The following ANKRD11 variants were observed in gnomAD, a reference collection of about 807,000 sequenced individuals.
ANKRD11 encodes ankyrin repeat domain 11.
ANKRD11 carries 17 observed loss-of-function variants against 195.7 expected under a neutral mutation model. The observed-to-expected ratio is 0.09, with a 90% CI of 0.06 to 0.13. The LOEUF is 0.13. Ranked by LOEUF, ANKRD11 falls within the 10% of genes least tolerant of loss-of-function variation. The pLI is 1.00. For synonymous variants in ANKRD11, 1,953 were observed against 1,528.1 expected (o/e 1.28, Z -6.49); for missense variants, 3,735 against 3,566.1 (o/e 1.05, Z -1.21).
chr16:89,354,795 A>T (rs1299521709), intron 2 of ANKRD11, among the ~76,000 whole-genome samples: 1 of 152,160 alleles, frequency 6.6e-6, no homozygotes, highest in Non-Finnish European at 1.5e-5. Context: ...CTGAGGCAGG[A>T]GAAATCGCTT....
chr16:89,315,948 T>C (rs957814074), intron 3 of ANKRD11, among the ~76,000 whole-genome samples: 5 of 151,896 alleles, frequency 3.3e-5, no homozygotes, highest in Admixed American at 1.3e-4. Flanking sequence ...GGTAGTGACC[T>C]GGGGACCAGA....
intron 1 of ANKRD11, among the ~76,000 whole-genome samples, chr16:89,483,257 C>T (rs1270817630): frequency 6.6e-6 from 1 of 152,204 alleles, no homozygotes; most frequent in African/African-American, 2.4e-5. Flanking sequence ...TTCACCGTAC[C>T]ATTAGCTTCT....
At chr16:89,295,509 C>A (rs2035356841) in intron 4 of ANKRD11, among the ~76,000 whole-genome samples, 1 of 152,244 alleles carries the variant, frequency 6.6e-6, no homozygotes, top group Non-Finnish European at 1.5e-5. Flanking sequence ...CTCCTCAGCA[C>A]AGAGCTGAGA....
chr16:89,384,441 C>A (rs1236561445), intron 2 of ANKRD11, among the ~76,000 whole-genome samples: 1 of 151,638 alleles, frequency 6.6e-6, no homozygotes, highest in African/African-American at 2.4e-5. Context: ...TGAGGCAGAG[C>A]AGAACGGGAT....
In ANKRD11 at chr16:89,330,657, TGGGGGGGGGGGGG is replaced by T. The variant is rs71134204; in HGVS notation, c.-59-13592_-59-13580del. ...CAGTAGGTTTCCCCAGTACAGTGAC[TGGGGGGGGGGGGG>T]GGGGGCGGGGGCGGAGGAAGCTGCA... On this transcript the variant is annotated intron_variant, in intron 2 of 12. Transcript: ENST00000301030. Among the ~76,000 whole-genome samples the T allele has an allele frequency of 5.9e-4, 3 of 5,076 alleles. 1 individual carries two copies. Among genetic ancestry groups the T allele is most frequent in the Non-Finnish European group, 1.1e-3 (3 of 2,672 alleles). 3.3% of individuals were successfully genotyped at this position (5,076 alleles called of 152,430 possible).
intron 2 of ANKRD11, among the ~76,000 whole-genome samples, chr16:89,375,345 T>G (rs1465470595): frequency 6.6e-6 from 1 of 152,202 alleles, no homozygotes; most frequent in Non-Finnish European, 1.5e-5. Flanking sequence ...TCCCAGCTAC[T>G]CAGAAGGCTG....
chr16:89,314,967 T>C (rs2151912218), intron 3 of ANKRD11, among the ~76,000 whole-genome samples: 1 of 152,302 alleles, frequency 6.6e-6, no homozygotes, highest in Non-Finnish European at 1.5e-5. Flanking sequence ...CAAATCTCTT[T>C]GTTCCTAGAG....
intron 11 of ANKRD11, chr16:89,272,775 G>A (rs2033277751): frequency 6.6e-6 from 1 of 152,120 alleles, no homozygotes. Flanking sequence ...CAGATGAATG[G>A]ATAAAGAATA....
intron 2 of ANKRD11, among the ~76,000 whole-genome samples, chr16:89,349,570 C>T (rs2039110721): frequency 6.6e-6 from 1 of 152,166 alleles, no homozygotes; most frequent in Non-Finnish European, 1.5e-5. Flanking sequence ...ATCTTTTCCA[C>T]AAATGATGCT....
rs144218557 is a variant in ANKRD11 at position 89,425,618 on chromosome 16, G to A, written c.-144-7250C>T. Among the ~76,000 whole-genome samples, 5 of 152,274 alleles carry A rather than the reference G, an allele frequency of 3.3e-5. No individual in the cohort carries two copies. In the East Asian group the frequency reaches 7.7e-4, roughly 23 times the overall value. ...CGGTCGGTCTCCTTCGTTTTTTCAG[G>A]TTGGGGGCGGACAAGGTGGGCCGGT... On this transcript the variant is annotated intron_variant, in intron 1 of 12. Coordinates refer to ENST00000301030, the MANE Select transcript of ANKRD11 (RefSeq NM_013275.6).
At chr16:89,473,454 G>A (rs770505303) in intron 1 of ANKRD11, among the ~76,000 whole-genome samples, 7 of 152,200 alleles carry the variant, frequency 4.6e-5, no homozygotes, top group Non-Finnish European at 7.3e-5. Flanking sequence ...ATAAGCCTGA[G>A]AGGCAGGCAG....
At chr16:89,300,840 T>C in intron 4 of ANKRD11, 1 of 701,112 alleles carries the variant, frequency 1.4e-6, no homozygotes, top group Non-Finnish European at 2.6e-6. Context: ...AATAAGAAAA[T>C]CATAATTTTT....
rs1168149450 is a variant in ANKRD11 at position 89,280,616 on chromosome 16, C to G, written c.5926G>C (p.Gly1976Arg). The G allele has an allele frequency of 6.2e-7, 1 of 1,613,368 alleles. No individual in the cohort carries two copies. The highest frequency in any genetic ancestry group is 8.5e-7 in the Non-Finnish European group (1 of 1,179,950). The change falls in exon 9 of 13, where the codon GGC becomes CGC. Residue 1976 changes from glycine (G) to arginine (R), a missense_variant. By Grantham distance (125) the Gly-to-Arg change is moderately radical. Coordinates refer to ENST00000301030, the MANE Select transcript of ANKRD11 (RefSeq NM_013275.6). ...GGAGACTTCAGCAGGAGGTCCGAGC[C>G]CACAGGCCAGCTCACAGGGTTTTCA... ...TSENPVSWPV[G>R]SDLLLKSPQR... is the part of the protein sequence containing the mutation.
At chr16:89,271,220 G>A (rs2151678097) in intron 11 of ANKRD11, 3 of 440,716 alleles carry the variant, frequency 6.8e-6, no homozygotes, top group East Asian at 9.0e-5. Context: ...TCAGCCCACT[G>A]CCAACTCCTG....
intron 2 of ANKRD11, among the ~76,000 whole-genome samples, chr16:89,357,618 TC>T (rs2039545023): frequency 6.6e-6 from 1 of 152,290 alleles, no homozygotes; most frequent in South Asian, 2.1e-4. Context: ...AACCCGAGTG[TC>T]CCCTGGCGGA....
chr16:89,387,636 G>A (rs1446906577), intron 2 of ANKRD11, among the ~76,000 whole-genome samples: 1 of 145,716 alleles, frequency 6.9e-6, no homozygotes, highest in Non-Finnish European at 1.5e-5. Context: ...CTGCACCACT[G>A]CACTCTAGCC....
intron 2 of ANKRD11, among the ~76,000 whole-genome samples, chr16:89,318,500 C>G (rs1237897265): frequency 2.0e-5 from 3 of 152,246 alleles, no homozygotes; most frequent in Non-Finnish European, 2.9e-5. Flanking sequence ...GCAACTCGCT[C>G]CCCTGCATTT....
At chr16:89,381,066 T>A (rs1368660458) in intron 2 of ANKRD11, among the ~76,000 whole-genome samples, 1 of 152,176 alleles carries the variant, frequency 6.6e-6, no homozygotes, top group Admixed American at 6.5e-5. Flanking sequence ...CTCAGGCCTG[T>A]CATCCCAGCA....
At position 89,423,211 on chromosome 16, in the gene ANKRD11, G is replaced by A. The variant is rs1323221278; in HGVS notation, c.-144-4843C>T. ...CCTACACTGGCCTTGGTCTCAAAAC[G>A]CTGCTAGCCAGAGCTATGACCTTAT... is the stretch of plus-strand genomic sequence containing the variant. On this transcript the variant is annotated intron_variant, in intron 1 of 12. Coordinates refer to ENST00000301030, the MANE Select transcript of ANKRD11 (RefSeq NM_013275.6). 2.0e-5 allele frequency among the ~76,000 whole-genome samples: 3 copies of A among 152,228 alleles called. No homozygotes were observed. The East Asian group carries it at 5.8e-4, about 29-fold the overall frequency.
Sources: gnomAD v4.1 joint callset for allele counts (sites outside exome capture counted in the v4.1 genomes callset) on GRCh38, gnomAD v4.1.1 for gene constraint, MANE v1.5 for transcripts, NCBI Gene and HGNC (gene_info 2026-07-23, HGNC 2026-07-21) for gene names.